Variants in PRKCZ observed in about 807,000 individuals in gnomAD.
PRKCZ encodes the protein protein kinase C zeta, also known as protein kinase C zeta type.
PRKCZ carries 33 observed loss-of-function variants against 79.5 expected under a neutral mutation model. The observed-to-expected ratio is 0.41, with a 90% CI of 0.31 to 0.55. The LOEUF is 0.55. Ranked by LOEUF, PRKCZ falls within the 20% of genes least tolerant of loss-of-function variation. PRKCZ has a pLI of 0.19. For synonymous variants in PRKCZ, 342 were observed against 320.9 expected (o/e 1.07, Z -0.70); for missense variants, 578 against 813.5 (o/e 0.71, Z 3.52).
At chr1:2,152,748 A>G (rs1376537966) in intron 9 of PRKCZ, among the ~76,000 whole-genome samples, 1 of 152,214 alleles carries the variant, frequency 6.6e-6, no homozygotes, top group African/African-American at 2.4e-5. Flanking sequence ...CACGCTTGAC[A>G]GAACGGAGTT....
At chr1:2,073,052 C>G (rs1661750305) in intron 4 of PRKCZ, among the ~76,000 whole-genome samples, 1 of 152,120 alleles carries the variant, frequency 6.6e-6, no homozygotes, top group Admixed American at 6.5e-5. Context: ...GTTGGAGGGT[C>G]AGGCCACCCA....
chr1:2,140,651 C>G (rs1003200263), intron 5 of PRKCZ, among the ~76,000 whole-genome samples: 3 of 148,174 alleles, frequency 2.0e-5, no homozygotes, highest in Admixed American at 6.8e-5. Flanking sequence ...AGTGAGACTC[C>G]GTCTCAAAAA....
In PRKCZ at chr1:2,165,581, ATTTCCACC is replaced by A. The variant is rs1235801452; in HGVS notation, c.975-3933_975-3926del. 9.2e-5 allele frequency among the ~76,000 whole-genome samples: 14 copies of A among 152,194 alleles called. No individual in the cohort carries two copies. The highest frequency in any genetic ancestry group is 1.5e-4 in the Non-Finnish European group (10 of 68,050). ...TGTCTTAAAGGGTCAGGCAGTAAAT[ATTTCCACC>A]TTTGTGGGCCATGCGGCCTCTGTGG... On this transcript the variant is annotated intron_variant, in intron 10 of 17. Coordinates refer to ENST00000378567, the MANE Select transcript of PRKCZ (RefSeq NM_002744.6). The surrounding 1 kb of genome is among the most constrained non-coding windows in gnomAD (Gnocchi z 4.1).
chr1:2,120,011 G>T (rs865941885), intron 4 of PRKCZ, among the ~76,000 whole-genome samples: 3 of 152,120 alleles, frequency 2.0e-5, no homozygotes, highest in Non-Finnish European at 4.4e-5. Flanking sequence ...TCTCCACTCT[G>T]TGTGGAGTTC....
intron 10 of PRKCZ, among the ~76,000 whole-genome samples, chr1:2,163,967 A>G (rs905489821): frequency 4.6e-5 from 7 of 151,960 alleles, no homozygotes; most frequent in Non-Finnish European, 8.8e-5. Flanking sequence ...TGTGGAGATC[A>G]TTGTTACGAT....
At chr1:2,131,169 C>T (rs1323918011) in intron 4 of PRKCZ, among the ~76,000 whole-genome samples, 2 of 152,186 alleles carry the variant, frequency 1.3e-5, no homozygotes, top group Non-Finnish European at 2.9e-5. Flanking sequence ...GTCCCCGTGG[C>T]GCCTGGAGCT....
chr1:2,122,111 G>A (rs113569408), intron 4 of PRKCZ, among the ~76,000 whole-genome samples: 1 of 13,510 alleles, frequency 7.4e-5, no homozygotes, highest in East Asian at 3.4e-3. Context: ...TCATGGTGGT[G>A]GTTAGGGTCA....
rs1037528385 is a variant in PRKCZ at position 2,055,657 on chromosome 1, G to T, written c.193+95G>T. On this transcript the variant is annotated intron_variant, in intron 2 of 17. Transcript: ENST00000378567. ...GGAGTGTGCTCAGCCAATTCTGTGGGGAGACTTAAAGCTGTGGAATTAAAC... is the reference window on the plus strand; with the variant it reads ...GGAGTGTGCTCAGCCAATTCTGTGGTGAGACTTAAAGCTGTGGAATTAAAC... 4 of 1,491,482 alleles carry T rather than the reference G, an allele frequency of 2.7e-6. No individual in the cohort carries two copies. In the African/African-American group the frequency reaches 4.2e-5, roughly 16 times the overall value. 92.4% of individuals were successfully genotyped at this position (1,491,482 alleles called of 1,614,324 possible).
rs768272716 is a variant in PRKCZ, at chr1:2,144,251, C to T, written c.462C>T (p.Leu154=). The change falls in exon 6 of 18, where the codon CTC becomes CTT. Residue 154 remains leucine (L), a synonymous_variant. Transcript: ENST00000378567. ...AGTGCAGCGAGAGGATATGGGGCCT[C>T]GCGAGGCAAGGCTACAGGTGCATCA... ...CGQCSERIWG[L]ARQGYRCINC... The T allele has an allele frequency of 4.3e-5, 67 of 1,555,358 alleles. No individual in the cohort carries two copies. The South Asian group carries it at 6.3e-4, about 15-fold the overall frequency.
At chr1:2,069,195 G>A (rs983613003) in intron 4 of PRKCZ, among the ~76,000 whole-genome samples, 3 of 152,184 alleles carry the variant, frequency 2.0e-5, no homozygotes, top group Admixed American at 6.5e-5. Context: ...CCCTGCATCC[G>A]TGCTGTGCTT....
At chr1:2,155,642 T>G (rs1680867733) in intron 9 of PRKCZ, among the ~76,000 whole-genome samples, 1 of 136,578 alleles carries the variant, frequency 7.3e-6, no homozygotes, top group African/African-American at 2.8e-5. Flanking sequence ...GTGAAGGTGA[T>G]GGTGACAGCA....
chr1:2,161,021 G>A (rs932989800), intron 10 of PRKCZ, among the ~76,000 whole-genome samples: 5 of 152,100 alleles, frequency 3.3e-5, no homozygotes, highest in African/African-American at 9.7e-5. Flanking sequence ...AGCCTCGGCC[G>A]CGACCTTGGG....
intron 6 of PRKCZ, 59 bp from the exon 7 acceptor site, chr1:2,145,968 A>G: frequency 7.0e-7 from 1 of 1,431,366 alleles, no homozygotes; most frequent in Non-Finnish European, 9.8e-7. Flanking sequence ...TACAGAAGCT[A>G]CATTGTAACA....
At position 2,184,917 on chromosome 1, in the gene PRKCZ, C is replaced by T; in HGVS notation, c.1692-5C>T. On this transcript the variant is annotated splice_region_variant and splice_polypyrimidine_tract_variant and intron_variant, in intron 17 of 17. Transcript: ENST00000378567. ...CCCCCTCCCCCCTGCCACCTTTGCC[C>T]ACAGGGATGCCATAAAGAGGATCGA... 1 of 1,613,272 alleles carries T rather than the reference C, an allele frequency of 6.2e-7. No individual in the cohort carries two copies. The highest frequency in any genetic ancestry group is 8.5e-7 in the Non-Finnish European group (1 of 1,179,530).
Position 2,178,849 on chromosome 1 carries a change from A to G in PRKCZ, c.1575+3536A>G, listed in dbSNP as rs1178675619. ...CTGCGGGGAAGGCAGTGGGAGCAGCAGGAATGGATGGTGAAAGGACACAGT... is the reference window on the plus strand; with the variant it reads ...CTGCGGGGAAGGCAGTGGGAGCAGCGGGAATGGATGGTGAAAGGACACAGT... On this transcript the variant is annotated intron_variant, in intron 16 of 17. Coordinates refer to ENST00000378567, the MANE Select transcript of PRKCZ (RefSeq NM_002744.6). This position sits in a 1 kb window ranked among gnomAD's most constrained non-coding sequence, Gnocchi z 4.3. Among the ~76,000 whole-genome samples, 1 of 152,112 alleles carries G rather than the reference A, an allele frequency of 6.6e-6. No homozygotes were observed. Among genetic ancestry groups the G allele is most frequent in the African/African-American group, 2.4e-5 (1 of 41,420 alleles).
At chr1:2,103,949 C>A (rs1292380843) in intron 4 of PRKCZ, among the ~76,000 whole-genome samples, 1 of 152,140 alleles carries the variant, frequency 6.6e-6, no homozygotes, top group Non-Finnish European at 1.5e-5. Context: ...CACTGGTCAC[C>A]CTGAAGAGAT....
chr1:2,081,446 G>A (rs1338180280), intron 4 of PRKCZ, among the ~76,000 whole-genome samples: 3 of 152,290 alleles, frequency 2.0e-5, no homozygotes, highest in East Asian at 1.9e-4. Flanking sequence ...GGTGGGTCTC[G>A]GGCGAGTCTG....
chr1:2,097,128 T>C (rs1421504516), intron 4 of PRKCZ, among the ~76,000 whole-genome samples: 2 of 152,224 alleles, frequency 1.3e-5, no homozygotes, highest in Admixed American at 6.5e-5. Context: ...CCAGGTTGTC[T>C]TGGGGCCACA....
chr1:2,080,986 C>T (rs1279506389), intron 4 of PRKCZ, among the ~76,000 whole-genome samples: 1 of 152,188 alleles, frequency 6.6e-6, no homozygotes, highest in African/African-American at 2.4e-5. Flanking sequence ...TCCAGGTCCA[C>T]ACCCTCCACG....
Sources: gnomAD v4.1 joint callset for allele counts (sites outside exome capture counted in the v4.1 genomes callset) on GRCh38, gnomAD v4.1.1 for gene constraint, Gnocchi (gnomAD v3.1) non-coding constraint, MANE v1.5 for transcripts, NCBI Gene and HGNC (gene_info 2026-07-23, HGNC 2026-07-21) for gene names.